PPP2CB: variants seen among roughly 807,000 people sequenced by gnomAD.
PPP2CB encodes protein phosphatase 2 catalytic subunit beta, also known as serine/threonine-protein phosphatase 2A catalytic subunit beta isoform.
Under a neutral mutation model 39.1 loss-of-function variants are expected in PPP2CB, and 18 were observed. The ratio of observed to expected loss-of-function variants is 0.46; its 90% CI spans 0.32 to 0.68. The LOEUF is 0.68. PPP2CB is among the 30% of genes least tolerant of loss of function. The pLI is 0.04. For missense variants in PPP2CB, 226 were observed against 396.9 expected, an observed-to-expected ratio of 0.57 and a Z score of 3.66; for synonymous variants, 129 against 133.8, an observed-to-expected ratio of 0.96 and a Z score of 0.25.
chr8:30,799,401 C>G, intron 2 of PPP2CB, 145 bp downstream of exon 2: 1 of 636,444 alleles, frequency 1.6e-6, no homozygotes, highest in South Asian at 2.2e-5. Context: ...CTTTTCACCT[C>G]TCCTTTAAAA....
At chr8:30,790,925 C>G (rs962353450) in intron 6 of PPP2CB, 5 of 283,310 alleles carry the variant, frequency 1.8e-5, no homozygotes, top group Non-Finnish European at 2.6e-5. Flanking sequence ...CAAGTCATAG[C>G]TCAAATGCCA....
intron 3 of PPP2CB, among the ~76,000 whole-genome samples, chr8:30,795,442 G>T (rs1044813046): frequency 6.6e-6 from 1 of 152,172 alleles, no homozygotes; most frequent in African/African-American, 2.4e-5. Context: ...ATGTTTAGCT[G>T]ATAGTACAAC....
intron 6 of PPP2CB, among the ~76,000 whole-genome samples, chr8:30,787,947 C>G (rs146608325): frequency 1.4e-4 from 22 of 152,060 alleles, no homozygotes; most frequent in Admixed American, 5.2e-4. Context: ...GGAATTAGTA[C>G]GTTTTATCAA....
intron 1 of PPP2CB, among the ~76,000 whole-genome samples, chr8:30,810,519 C>G (rs929252141): frequency 7.9e-5 from 12 of 152,320 alleles, no homozygotes; most frequent in South Asian, 2.1e-4. Flanking sequence ...TTACCCATAA[C>G]TTCAAGTCTG....
intron 3 of PPP2CB, chr8:30,794,542 C>T (rs1806488533): frequency 2.7e-6 from 1 of 374,228 alleles, no homozygotes. Context: ...TCCTTGGTAC[C>T]TACCATTAAA....
At chr8:30,802,440 G>A (rs982678555) in intron 1 of PPP2CB, among the ~76,000 whole-genome samples, 2 of 152,134 alleles carry the variant, frequency 1.3e-5, no homozygotes, top group African/African-American at 2.4e-5. Context: ...CAGGAATGGT[G>A]GGTAGAGTGC....
At chr8:30,811,795 C>A (rs373021756) in intron 1 of PPP2CB, among the ~76,000 whole-genome samples, 3 of 152,190 alleles carry the variant, frequency 2.0e-5, no homozygotes, top group Non-Finnish European at 4.4e-5. Context: ...AGCCACCACG[C>A]CCGGCTTGAG....
Position 30,799,617 on chromosome 8 carries a change from A to C in PPP2CB, c.241T>G (p.Leu81Val). 6.2e-7 allele frequency: 1 copy of C among 1,613,978 alleles called. No homozygotes were observed. The highest frequency in any genetic ancestry group is 8.5e-7 in the Non-Finnish European group (1 of 1,179,840). Residue 81 changes from leucine (L) to valine (V), a missense_variant, in exon 2 of 7, where the codon TTA becomes GTA. Coordinates refer to ENST00000221138, the MANE Select transcript of PPP2CB (RefSeq NM_001009552.2). ...IGGKSPDTNY[L>V]FMGDYVDRGY... ...CTGTCTACATAGTCACCCATGAATA[A>C]GTAGTTTGTATCCGGTGATTTTCCA...
intron 1 of PPP2CB, among the ~76,000 whole-genome samples, chr8:30,802,164 T>C (rs958118959): frequency 6.6e-6 from 1 of 152,226 alleles, no homozygotes; most frequent in Non-Finnish European, 1.5e-5. Flanking sequence ...AATGAGATTA[T>C]ATGCAATGAA....
At chr8:30,799,811 T>C (rs1314723750) in intron 1 of PPP2CB, 56 bp from the exon 2 acceptor site, 1 of 1,510,992 alleles carries the variant, frequency 6.6e-7, no homozygotes, top group Admixed American at 1.9e-5. Context: ...TTCTTATCTA[T>C]TAAAAGAAAA....
chr8:30,799,433 T>G, intron 2 of PPP2CB, 113 bp downstream of exon 2: 1 of 830,594 alleles, frequency 1.2e-6, no homozygotes, highest in African/African-American at 1.7e-5. Flanking sequence ...CAATTATTAT[T>G]TTAAGGGGCT....
At chr8:30,786,838 A>T (rs549622985) in intron 6 of PPP2CB, among the ~76,000 whole-genome samples, 3 of 149,372 alleles carry the variant, frequency 2.0e-5, no homozygotes, top group Non-Finnish European at 3.0e-5. Context: ...TAATTTTCTT[A>T]TTTTTTTTTA....
chr8:30,812,254 G>A, intron 1 of PPP2CB, 66 bp downstream of exon 1: 1 of 1,253,850 alleles, frequency 8.0e-7, no homozygotes, highest in South Asian at 1.7e-5. Flanking sequence ...CGGGACCGGG[G>A]CGGGCAGGAA....
chr8:30,792,163 T>A (rs1806448424), intron 5 of PPP2CB, among the ~76,000 whole-genome samples: 1 of 150,094 alleles, frequency 6.7e-6, no homozygotes, highest in Non-Finnish European at 1.5e-5. Context: ...TTCAAGCAAT[T>A]CTCCTGCCTC....
Position 30,786,149 on chromosome 8 carries a change from T to C in PPP2CB, c.*86A>G. 1 of 1,160,530 alleles carries C rather than the reference T, an allele frequency of 8.6e-7. No homozygotes were observed. Among genetic ancestry groups the C allele is most frequent in the Non-Finnish European group, 1.2e-6 (1 of 813,898 alleles). The allele number at this position is 1,160,530 out of a possible 1,614,324, so 71.9% of individuals were successfully genotyped here. A position where few individuals can be genotyped will look rare whatever the true frequency, so the allele number is the denominator to read the frequency against. On this transcript the variant is annotated 3_prime_UTR_variant, in exon 7 of 7. Transcript: ENST00000221138. ...CCAATTTGTTACAGAAACACATAGA[T>C]TACTGTTGCTTTTTGTTTTTAAATA...
rs1316507357 is a variant in PPP2CB at position 30,791,868 on chromosome 8, A to G, written c.739-553T>C. The stretch of plus-strand genomic sequence containing the variant: ...TGTATATATACGTGTATATATGTAT[A>G]TATGTGTGTGCATATATGTATACAT... On this transcript the variant is annotated intron_variant, in intron 5 of 6. Transcript: ENST00000221138. Among the ~76,000 whole-genome samples the G allele has an allele frequency of 3.3e-5, 5 of 151,766 alleles. No homozygotes were observed. In the South Asian group the frequency reaches 6.2e-4, roughly 19 times the overall value.
At chr8:30,791,473 C>A (rs1382903412) in intron 5 of PPP2CB, 158 bp from the exon 6 acceptor site, 4 of 592,640 alleles carry the variant, frequency 6.7e-6, no homozygotes, top group Admixed American at 7.1e-5. Flanking sequence ...AGTTTGTGTA[C>A]CTGTAAAGAA....
chr8:30,804,421 C>G (rs1472120743), intron 1 of PPP2CB, among the ~76,000 whole-genome samples: 1 of 152,158 alleles, frequency 6.6e-6, no homozygotes, highest in Non-Finnish European at 1.5e-5. Context: ...ATGTGACTCA[C>G]GATGCGGACT....
intron 1 of PPP2CB, among the ~76,000 whole-genome samples, chr8:30,809,219 A>ATATATATCTTAGC (rs910473993): frequency 2.6e-5 from 4 of 151,876 alleles, no homozygotes; most frequent in African/African-American, 9.7e-5. Context: ...CGGCCAATGA[A>ATATATATCTTAGC]TATATATCTT....
Sources: allele counts gnomAD v4.1 joint callset (sites outside exome capture counted in the v4.1 genomes callset), GRCh38; gene constraint gnomAD v4.1.1; transcripts MANE v1.5; gene names NCBI Gene and HGNC (gene_info 2026-07-23, HGNC 2026-07-21).